GHRH: variants seen among roughly 807,000 people sequenced by gnomAD.
The protein encoded by GHRH is growth hormone releasing hormone, also known as somatoliberin.
In GHRH, 7 loss-of-function variants were observed where a neutral mutation model predicts 15.6. That is an observed-to-expected ratio of 0.45 (90% confidence interval 0.26 to 0.84). The LOEUF (loss-of-function observed/expected upper bound fraction) is 0.84, where lower values mean the gene tolerates loss of function less well. Among genes scored for constraint, GHRH ranks in the 40% least tolerant of loss-of-function variants. GHRH has a pLI of 0.18. For synonymous variants in GHRH, 54 were observed against 50.4 expected, an observed-to-expected ratio of 1.07 and a Z score of -0.30; for missense variants, 117 against 138.0, an observed-to-expected ratio of 0.85 and a Z score of 0.76.
chr20:37,256,494 G>A lies in GHRH; in HGVS notation c.88C>T (p.Arg30Trp), dbSNP rs1268560247. Residue 30 changes from arginine (R) to tryptophan (W), a missense_variant, in exon 3 of 5, where the codon CGG (arginine) becomes TGG (tryptophan). Transcript: ENST00000373614. ...SPPPPLTLRM[R>W]RYADAIFTNS... The stretch of plus-strand genomic sequence containing the variant: ...GTGAAGATGGCATCTGCATACCGCC[G>A]CATCCTGTGCGGAAGGAGTCAGGGG... 2.5e-6 allele frequency: 4 copies of A among 1,607,812 alleles called. No homozygotes were observed. The highest frequency in any genetic ancestry group is 2.6e-6 in the Non-Finnish European group (3 of 1,175,628).
At chr20:37,254,796 A>G (rs1172148431) in intron 3 of GHRH, among the ~76,000 whole-genome samples, 1 of 152,212 alleles carries the variant, frequency 6.6e-6, no homozygotes, top group East Asian at 1.9e-4. Context: ...GGGACATTCT[A>G]TAAATCATTA....
chr20:37,253,067 A>G (rs1216847812), intron 4 of GHRH, among the ~76,000 whole-genome samples: 2 of 152,198 alleles, frequency 1.3e-5, no homozygotes, highest in African/African-American at 4.8e-5. Context: ...AAACCCCAGC[A>G]GAGTTTCTCC....
Position 37,256,509 on chromosome 20 carries a change from G to T in GHRH, c.84-11C>A. The T allele has an allele frequency of 1.3e-6, 2 of 1,584,534 alleles. No individual in the cohort carries two copies. Among genetic ancestry groups the T allele is most frequent in the Non-Finnish European group, 1.7e-6 (2 of 1,155,736 alleles). Reference sequence around the variant, plus strand: ...GCATACCGCCGCATCCTGTGCGGAAGGAGTCAGGGGTCAGAGGGCGGGGTG... The same window carrying T: ...GCATACCGCCGCATCCTGTGCGGAATGAGTCAGGGGTCAGAGGGCGGGGTG... On this transcript the variant is annotated splice_polypyrimidine_tract_variant and intron_variant, in intron 2 of 4. Coordinates refer to ENST00000373614, the MANE Select transcript of GHRH (RefSeq NM_021081.6).
rs1450974700 is a variant in GHRH at position 37,256,890 on chromosome 20, C to T, written c.-1G>A. 1 of 1,607,306 alleles carries T rather than the reference C, an allele frequency of 6.2e-7. No individual in the cohort carries two copies. Among genetic ancestry groups the T allele is most frequent in the Non-Finnish European group, 8.5e-7 (1 of 1,177,136 alleles). ...CAAAGAAGAACACCCAGAGTGGCATCCTTCACCCGGGGTGGCACCTGCAGA... is the reference window on the plus strand; with the variant it reads ...CAAAGAAGAACACCCAGAGTGGCATTCTTCACCCGGGGTGGCACCTGCAGA... On this transcript the variant is annotated 5_prime_UTR_variant, in exon 2 of 5. Coordinates refer to ENST00000373614, the MANE Select transcript of GHRH (RefSeq NM_021081.6).
In GHRH at chr20:37,251,194, C is replaced by G. The variant is rs375615628; in HGVS notation, c.*19G>C. On this transcript the variant is annotated 3_prime_UTR_variant, in exon 5 of 5. Coordinates refer to ENST00000373614, the MANE Select transcript of GHRH (RefSeq NM_021081.6). ...AGTTGCATTTTGGCTACAGGTAGCC[C>G]GGGTCACAGGAGGAATCTTCATCCC... 2 of 1,588,212 alleles carry G rather than the reference C, an allele frequency of 1.3e-6. No individual in the cohort carries two copies. The highest frequency in any genetic ancestry group is 1.7e-6 in the Non-Finnish European group (2 of 1,165,090).
intron 4 of GHRH, among the ~76,000 whole-genome samples, chr20:37,252,160 G>A (rs1034979093): frequency 6.6e-6 from 1 of 152,222 alleles, no homozygotes; most frequent in African/African-American, 2.4e-5. Flanking sequence ...GGACCCTAGA[G>A]ATGGTAAGAG....
intron 2 of GHRH, 89 bp downstream of exon 2, chr20:37,256,718 G>T: frequency 2.8e-6 from 3 of 1,056,548 alleles, no homozygotes; most frequent in Non-Finnish European, 4.2e-6. Flanking sequence ...CCAGGGCCCA[G>T]CTGATGGGCT....
intron 3 of GHRH, 91 bp downstream of exon 3, chr20:37,256,303 A>T (rs747683417): frequency 9.3e-5 from 67 of 722,538 alleles, no homozygotes; most frequent in Non-Finnish European, 1.5e-4. Context: ...CAAGGAAGAG[A>T]TCTGAATTGG....
intron 1 of GHRH, 30 bp from the exon 2 acceptor site, chr20:37,256,938 T>C: frequency 7.4e-7 from 1 of 1,357,002 alleles, no homozygotes; most frequent in Non-Finnish European, 1.0e-6. Context: ...GAAGGTCAGG[T>C]ACAGCCACAG....
At chr20:37,256,307 G>T in intron 3 of GHRH, 87 bp downstream of exon 3, 2 of 756,066 alleles carry the variant, frequency 2.6e-6, no homozygotes, top group Non-Finnish European at 4.4e-6. Context: ...GAAGAGATCT[G>T]AATTGGTCCC....
rs544008789 is a variant in GHRH, at chr20:37,256,801, G to A, written c.83+6C>T. On this transcript the variant is annotated splice_donor_region_variant and intron_variant, in intron 2 of 4. Coordinates refer to ENST00000373614, the MANE Select transcript of GHRH (RefSeq NM_021081.6). The stretch of plus-strand genomic sequence containing the variant: ...GTGGTGGGAACTTTCCCCAGGGTCT[G>A]CTTACCTGAGGGTCAAAGGGGGAGG... 15 of 1,607,900 alleles carry A rather than the reference G, an allele frequency of 9.3e-6. No individual in the cohort carries two copies. In the South Asian group the frequency reaches 1.1e-4, roughly 12 times the overall value.
At chr20:37,254,066 T>C in intron 4 of GHRH, 144 bp downstream of exon 4, 1 of 824,082 alleles carries the variant, frequency 1.2e-6, no homozygotes, top group Admixed American at 2.3e-5. Context: ...TAGTTCTTAA[T>C]GTCTGTCAGG....
At chr20:37,261,315 C>T (rs982561700) in intron 1 of GHRH, among the ~76,000 whole-genome samples, 5 of 152,020 alleles carry the variant, frequency 3.3e-5, no homozygotes, top group South Asian at 2.1e-4. Context: ...ATCAATTTCC[C>T]GGCAATTACA....
At chr20:37,256,983 C>T in intron 1 of GHRH, 75 bp from the exon 2 acceptor site, 1 of 908,728 alleles carries the variant, frequency 1.1e-6, no homozygotes. Context: ...CAGCCCTGGG[C>T]TTGGCTCCAT....
At chr20:37,251,826 A>C (rs897993754) in intron 4 of GHRH, among the ~76,000 whole-genome samples, 3 of 152,046 alleles carry the variant, frequency 2.0e-5, no homozygotes, top group Non-Finnish European at 4.4e-5. Flanking sequence ...TCTACTCTGC[A>C]CTCTAAAGCA....
chr20:37,260,668 G>A (rs190070979), intron 1 of GHRH, among the ~76,000 whole-genome samples: 11 of 152,274 alleles, frequency 7.2e-5, no homozygotes, highest in Admixed American at 5.2e-4. Flanking sequence ...AAGTGTAGCC[G>A]AGCCCAACAG....
chr20:37,261,368 C>T (rs1281140921), intron 1 of GHRH, among the ~76,000 whole-genome samples: 1 of 152,220 alleles, frequency 6.6e-6, no homozygotes, highest in East Asian at 1.9e-4. Context: ...TTGATTTGCA[C>T]AGCCACTTGG....
chr20:37,252,310 G>A (rs1482292841), intron 4 of GHRH, among the ~76,000 whole-genome samples: 1 of 152,168 alleles, frequency 6.6e-6, no homozygotes, highest in Non-Finnish European at 1.5e-5. Context: ...TAGGCCTGGT[G>A]CTGCTTGTAG....
chr20:37,253,412 G>C (rs1047372910), intron 4 of GHRH, among the ~76,000 whole-genome samples: 2 of 152,232 alleles, frequency 1.3e-5, no homozygotes, highest in African/African-American at 4.8e-5. Context: ...TTCACCTGCA[G>C]CCGAATCCTT....
Sources: gnomAD v4.1 joint callset for allele counts (sites outside exome capture counted in the v4.1 genomes callset) on GRCh38, gnomAD v4.1.1 for gene constraint, MANE v1.5 for transcripts, NCBI Gene and HGNC (gene_info 2026-07-23, HGNC 2026-07-21) for gene names.